Variants in FHIT observed in about 807,000 individuals in gnomAD.
The protein encoded by FHIT is fragile histidine triad diadenosine triphosphatase.
A neutral mutation model predicts 17.9 loss-of-function variants in FHIT; 19 were observed. The ratio of observed to expected loss-of-function variants is 1.06; its 90% CI spans 0.74 to 1.56. The LOEUF is 1.56. Among genes scored for constraint, FHIT ranks in the 40% most tolerant of loss-of-function variants. FHIT has a pLI of 0.00. For synonymous variants in FHIT, 81 were observed against 69.7 expected (o/e 1.16, Z -0.81); for missense variants, 248 against 189.2 (o/e 1.31, Z -1.82).
At chr3:60,157,452 T>C (rs1191125726) in intron 5 of FHIT, among the ~76,000 whole-genome samples, 2 of 152,178 alleles carry the variant, frequency 1.3e-5, no homozygotes, top group African/African-American at 4.8e-5. Context: ...TTATGTCCCT[T>C]CTAGTTTGAA....
intron 2 of FHIT, among the ~76,000 whole-genome samples, chr3:61,123,322 A>C (rs1483362352): frequency 6.6e-6 from 1 of 152,152 alleles, no homozygotes; most frequent in Non-Finnish European, 1.5e-5. Flanking sequence ...GGACACAGGG[A>C]GGGGAACATC....
intron 5 of FHIT, among the ~76,000 whole-genome samples, chr3:60,147,910 T>C (rs910694157): frequency 6.6e-6 from 1 of 152,194 alleles, no homozygotes; most frequent in Non-Finnish European, 1.5e-5. Context: ...AGGCCACTAT[T>C]AGGACAGTGG....
chr3:60,710,406 G>A (rs1553704727), intron 4 of FHIT, among the ~76,000 whole-genome samples: 1 of 152,228 alleles, frequency 6.6e-6, no homozygotes, highest in Non-Finnish European at 1.5e-5. Flanking sequence ...ACTAGGGAGT[G>A]CCAGACAGTG....
chr3:59,915,752 C>T (rs962948337), intron 8 of FHIT, among the ~76,000 whole-genome samples: 2 of 152,094 alleles, frequency 1.3e-5, no homozygotes, highest in African/African-American at 2.4e-5. Context: ...CCAGCCTGGA[C>T]AACATTGCGA....
At chr3:59,953,024 C>A (rs368669074) in intron 7 of FHIT, among the ~76,000 whole-genome samples, 3 of 152,012 alleles carry the variant, frequency 2.0e-5, no homozygotes, top group South Asian at 4.2e-4. Context: ...CTCTCCACCC[C>A]CCGAAGTGTG....
chr3:60,861,139 T>C (rs1703796672), intron 3 of FHIT, among the ~76,000 whole-genome samples: 1 of 54,094 alleles, frequency 1.8e-5, no homozygotes, highest in African/African-American at 6.1e-5. Context: ...ATGATATATG[T>C]ATATATGATC....
intron 5 of FHIT, among the ~76,000 whole-genome samples, chr3:60,256,417 G>T (rs1705995374): frequency 1.3e-5 from 2 of 152,106 alleles, no homozygotes; most frequent in South Asian, 4.1e-4. Context: ...ATAAATATTT[G>T]TTGTTTCTAA....
chr3:60,670,725 C>T (rs2040487256), intron 4 of FHIT, among the ~76,000 whole-genome samples: 1 of 152,148 alleles, frequency 6.6e-6, no homozygotes, highest in South Asian at 2.1e-4. Flanking sequence ...TCAAATCTTA[C>T]CTATTTAATT....
intron 3 of FHIT, among the ~76,000 whole-genome samples, chr3:60,860,118 TAAATG>T (rs1338708030): frequency 6.8e-6 from 1 of 147,042 alleles, no homozygotes; most frequent in Admixed American, 6.8e-5. Context: ...ATATGATATA[TAAATG>T]ATATATCTGA....
intron 7 of FHIT, among the ~76,000 whole-genome samples, chr3:59,928,736 C>T (rs545095245): frequency 2.0e-5 from 3 of 152,168 alleles, no homozygotes; most frequent in Admixed American, 6.5e-5. Context: ...GCGGCTCACG[C>T]CTGTAATCCC....
At chr3:60,004,626 T>C (rs890809580) in intron 7 of FHIT, among the ~76,000 whole-genome samples, 13 of 152,296 alleles carry the variant, frequency 8.5e-5, no homozygotes, top group African/African-American at 3.1e-4. Context: ...CTACTGTGAT[T>C]ACAGGATACA....
At chr3:60,438,676 G>C (rs1454710516) in intron 5 of FHIT, among the ~76,000 whole-genome samples, 2 of 152,110 alleles carry the variant, frequency 1.3e-5, no homozygotes, top group East Asian at 1.9e-4. Context: ...CAAATTTAAA[G>C]AGAACTATTC....
At position 60,890,192 on chromosome 3, in the gene FHIT, A is replaced by G. The variant is rs139705282; in HGVS notation, c.-110-68181T>C. ...ACAAGGCTGGCAGCTTCTACTTTGA[A>G]ACTTTCCAAAAAATTAGCTTCCATG... On this transcript the variant is annotated intron_variant, in intron 3 of 9. Coordinates refer to ENST00000492590, the MANE Select transcript of FHIT (RefSeq NM_002012.4). Among the ~76,000 whole-genome samples, 1,242 of 146,268 alleles carry G rather than the reference A, an allele frequency of 8.5e-3. 5 individuals are homozygous for G. Among genetic ancestry groups the G allele is most frequent in the Non-Finnish European group, 0.014 (942 of 67,410 alleles).
intron 5 of FHIT, among the ~76,000 whole-genome samples, chr3:60,044,157 G>A (rs757740458): frequency 1.3e-5 from 2 of 152,134 alleles, no homozygotes; most frequent in Non-Finnish European, 2.9e-5. Flanking sequence ...AAATTTTACA[G>A]CCAAGTAAAA....
intron 3 of FHIT, among the ~76,000 whole-genome samples, chr3:60,890,392 C>T (rs1208607336): frequency 6.6e-6 from 1 of 152,172 alleles, no homozygotes; most frequent in Non-Finnish European, 1.5e-5. Context: ...ATTGACCCAG[C>T]CTACACCAAA....
intron 7 of FHIT, among the ~76,000 whole-genome samples, chr3:59,970,914 G>C (rs1360443099): frequency 1.6e-5 from 1 of 62,078 alleles, no homozygotes; most frequent in African/African-American, 4.1e-5. Context: ...GGAACAAGCA[G>C]GGATTAAAAA....
chr3:61,211,691 G>T (rs947790137), intron 1 of FHIT, among the ~76,000 whole-genome samples: 1 of 152,224 alleles, frequency 6.6e-6, no homozygotes, highest in Non-Finnish European at 1.5e-5. Context: ...TGAGAATGGG[G>T]AGACTGCCTC....
intron 5 of FHIT, among the ~76,000 whole-genome samples, chr3:60,359,183 G>C (rs1174540929): frequency 1.3e-5 from 2 of 151,004 alleles, no homozygotes; most frequent in Non-Finnish European, 2.9e-5. Context: ...CCACATCACA[G>C]AACAGAGTAG....
chr3:60,242,996 T>G (rs1394194657), intron 5 of FHIT, among the ~76,000 whole-genome samples: 15 of 151,698 alleles, frequency 9.9e-5, no homozygotes, highest in Non-Finnish European at 1.5e-5. Context: ...CATTTTCAAG[T>G]GAACCACAAT....
Sources: allele counts gnomAD v4.1 joint callset (sites outside exome capture counted in the v4.1 genomes callset), GRCh38; gene constraint gnomAD v4.1.1; transcripts MANE v1.5; gene names NCBI Gene and HGNC (gene_info 2026-07-23, HGNC 2026-07-21).